The following MYO7B variants were observed in gnomAD, a reference collection of about 807,000 sequenced individuals.
The protein encoded by MYO7B is myosin VIIB.
In MYO7B, 212 loss-of-function variants were observed where a neutral mutation model predicts 259.7. The observed-to-expected ratio is 0.82, with a 90% CI of 0.73 to 0.91. MYO7B has a LOEUF of 0.91. MYO7B is among the 40% of genes least tolerant of loss of function. The pLI is 0.00. For synonymous variants in MYO7B, 1,197 were observed against 1,166.4 expected, an observed-to-expected ratio of 1.03 and a Z score of -0.54; for missense variants, 2,732 against 2,813.5, an observed-to-expected ratio of 0.97 and a Z score of 0.66.
intron 18 of MYO7B, 32 bp from the exon 19 acceptor site, chr2:127,596,430 G>A: frequency 6.5e-7 from 1 of 1,540,362 alleles, no homozygotes; most frequent in Non-Finnish European, 8.9e-7. Flanking sequence ...GTGAGGGTGA[G>A]CAGCCCAGTG....
rs1417991310 is a variant in MYO7B at position 127,584,273 on chromosome 2, C to A, written c.1495C>A (p.Leu499Met). The change falls in exon 13 of 48, where the codon CTG becomes ATG. Residue 499 changes from leucine to methionine, a missense_variant. Coordinates refer to ENST00000409816, the MANE Select transcript of MYO7B (RefSeq NM_001393586.1). The surrounding 1 kb of genome is among the most constrained non-coding windows in gnomAD (Gnocchi z 5.8). ...CGACAATCGGCCCACCCTGGACCTG[C>A]TGGCCCTCAAGCCCATGAGCATCAT... ...YTDNRPTLDL[L>M]ALKPMSIISL... The A allele has an allele frequency of 2.5e-6, 4 of 1,614,032 alleles. No homozygotes were observed. The highest frequency in any genetic ancestry group is 3.4e-6 in the Non-Finnish European group (4 of 1,179,894).
chr2:127,562,490 T>TTTG lies in MYO7B; in HGVS notation c.19-1661_19-1660insGTT, dbSNP rs1400273373. The stretch of plus-strand genomic sequence containing the variant: ...TTTTGTGGGGTTTTATTGTTTTTTT[T>TTTG]TTTTTTTTTTTTTTTTGAGACGGAG... On this transcript the variant is annotated intron_variant, in intron 2 of 47. Transcript: ENST00000409816. 1.3e-3 allele frequency among the ~76,000 whole-genome samples: 182 copies of TTTG among 139,700 alleles called. 4 individuals are homozygous for TTTG. In the East Asian group the frequency reaches 0.035, roughly 27 times the overall value. 91.6% of individuals were successfully genotyped at this position (139,700 alleles called of 152,430 possible).
chr2:127,621,140 C>T (rs1211097505), intron 27 of MYO7B, among the ~76,000 whole-genome samples: 1 of 152,192 alleles, frequency 6.6e-6, no homozygotes, highest in African/African-American at 2.4e-5. Flanking sequence ...ACCAGTAAAC[C>T]CTTCCAGGCT....
At chr2:127,632,171 C>T in intron 38 of MYO7B, 75 bp from the exon 39 acceptor site, 5 of 1,511,560 alleles carry the variant, frequency 3.3e-6, no homozygotes, top group African/African-American at 1.4e-5. Flanking sequence ...TCACATCCGT[C>T]CCTGCTCCCC....
chr2:127,590,042 C>T lies in MYO7B; in HGVS notation c.1855-50C>T. The T allele has an allele frequency of 6.5e-7, 1 of 1,546,918 alleles. No individual in the cohort carries two copies. Among genetic ancestry groups the T allele is most frequent in the South Asian group, 1.2e-5 (1 of 84,000 alleles). Reference sequence around the variant, plus strand: ...TTGCTGGCCTACAGGGTCAGCTGTCCCAGGACATGGCTCCTGAGACCCACT... The same window carrying T: ...TTGCTGGCCTACAGGGTCAGCTGTCTCAGGACATGGCTCCTGAGACCCACT... On this transcript the variant is annotated intron_variant, in intron 15 of 47. Coordinates refer to ENST00000409816, the MANE Select transcript of MYO7B (RefSeq NM_001393586.1). This position sits in a 1 kb window ranked among gnomAD's most constrained non-coding sequence, Gnocchi z 4.6.
chr2:127,591,267 C>A (rs1679546060), intron 16 of MYO7B, among the ~76,000 whole-genome samples: 1 of 152,222 alleles, frequency 6.6e-6, no homozygotes, highest in African/African-American at 2.4e-5. Flanking sequence ...TGTGAGATAA[C>A]CTATCTTGTT....
Position 127,559,048 on chromosome 2 carries a change from T to A in MYO7B, c.-23-652T>A, listed in dbSNP as rs1677953254. 6.6e-6 allele frequency among the ~76,000 whole-genome samples: 1 copy of A among 152,200 alleles called. No individual in the cohort carries two copies. Among genetic ancestry groups the A allele is most frequent in the Non-Finnish European group, 1.5e-5 (1 of 68,030 alleles). On this transcript the variant is annotated intron_variant, in intron 1 of 47. Coordinates refer to ENST00000409816, the MANE Select transcript of MYO7B (RefSeq NM_001393586.1). The surrounding 1 kb of genome is among the most constrained non-coding windows in gnomAD (Gnocchi z 4.1). The stretch of plus-strand genomic sequence containing the variant: ...ACTGCTCAGCGCAGGGAGGGGAAGC[T>A]GCCAACACTCAGTCAGGGTAACTCG...
Position 127,636,028 on chromosome 2 carries a change from G to C in MYO7B, c.6006+121G>C. 1 of 1,304,698 alleles carries C rather than the reference G, an allele frequency of 7.7e-7. No homozygotes were observed. Among genetic ancestry groups the C allele is most frequent in the East Asian group, 2.5e-5 (1 of 39,646 alleles). The allele number at this position is 1,304,698 out of a possible 1,614,324, so 80.8% of individuals were successfully genotyped here. On this transcript the variant is annotated intron_variant, in intron 44 of 47. Coordinates refer to ENST00000409816, the MANE Select transcript of MYO7B (RefSeq NM_001393586.1). The surrounding 1 kb of genome is among the most constrained non-coding windows in gnomAD (Gnocchi z 4.5). The stretch of plus-strand genomic sequence containing the variant: ...GGTGCACATGGGTGGTGTGGAGGGT[G>C]GGCTGGCTCTGCACACACCACGCCT...
chr2:127,623,451 T>A, intron 29 of MYO7B, 76 bp downstream of exon 29: 1 of 1,420,946 alleles, frequency 7.0e-7, no homozygotes, highest in South Asian at 1.4e-5. Flanking sequence ...TCAAGCCCTC[T>A]CACCTTTCCA....
In MYO7B at chr2:127,628,234, C is replaced by A; in HGVS notation, c.4461-138C>A. 9.5e-7 allele frequency: 1 copy of A among 1,053,564 alleles called. No homozygotes were observed. Among genetic ancestry groups the A allele is most frequent in the Non-Finnish European group, 1.4e-6 (1 of 707,140 alleles). The allele number at this position is 1,053,564 out of a possible 1,614,324, so 65.3% of individuals were successfully genotyped here. A position where few individuals can be genotyped will look rare whatever the true frequency, so the allele number is the denominator to read the frequency against. On this transcript the variant is annotated intron_variant, in intron 33 of 47. Coordinates refer to ENST00000409816, the MANE Select transcript of MYO7B (RefSeq NM_001393586.1). This position sits in a 1 kb window ranked among gnomAD's most constrained non-coding sequence, Gnocchi z 4.8. The stretch of plus-strand genomic sequence containing the variant: ...GTCCAGACCCACAGTGGTGTCTGGC[C>A]TAGTCCTGGCCCTGGCAGAGCAGCT...
At chr2:127,547,507 G>T (rs1000812186) in intron 1 of MYO7B, among the ~76,000 whole-genome samples, 1 of 152,176 alleles carries the variant, frequency 6.6e-6, no homozygotes, top group Non-Finnish European at 1.5e-5. Context: ...GTGTACCCTG[G>T]GGGGAAGAGG....
chr2:127,573,438 C>T (rs1678730204), intron 6 of MYO7B, among the ~76,000 whole-genome samples: 1 of 152,222 alleles, frequency 6.6e-6, no homozygotes, highest in African/African-American at 2.4e-5. Context: ...CTGGCCTGGA[C>T]ACGCTGTTGG....
intron 17 of MYO7B, 43 bp downstream of exon 17, chr2:127,592,989 C>G (rs976363395): frequency 7.0e-7 from 1 of 1,433,724 alleles, no homozygotes; most frequent in African/African-American, 2.7e-5. Context: ...CATCCGCGGC[C>G]TTCCCCTCGG....
chr2:127,573,037 G>A (rs1019043312), intron 6 of MYO7B, among the ~76,000 whole-genome samples: 2 of 152,078 alleles, frequency 1.3e-5, no homozygotes, highest in South Asian at 4.1e-4. Flanking sequence ...AACAGGTTTC[G>A]TAATGGTGGC....
chr2:127,551,937 T>A (rs1693460079), intron 1 of MYO7B, among the ~76,000 whole-genome samples: 1 of 152,170 alleles, frequency 6.6e-6, no homozygotes, highest in East Asian at 1.9e-4. Context: ...GTGCAGGCCA[T>A]GAGACCACCC....
chr2:127,593,620 G>C lies in MYO7B; in HGVS notation c.2220G>C (p.Ala740=), dbSNP rs376295567. The part of the protein sequence containing the change: ...VWLRTDKDWK[A]GKTKIFLRDH... ...TGCGGACAGACAAAGACTGGAAAGC[G>C]GGGAAGACAAAAATTTTCCTGAGGG... The change falls in exon 18 of 48, where the codon GCG becomes GCC. Residue 740 remains alanine, a synonymous_variant. Coordinates refer to ENST00000409816, the MANE Select transcript of MYO7B (RefSeq NM_001393586.1). 33 of 1,613,604 alleles carry C rather than the reference G, an allele frequency of 2.0e-5. No homozygotes were observed. Among genetic ancestry groups the C allele is most frequent in the Non-Finnish European group, 2.5e-5 (30 of 1,179,844 alleles).
In MYO7B at chr2:127,592,927, C is replaced by G; in HGVS notation, c.2126C>G (p.Pro709Arg). 1 of 1,599,918 alleles carries G rather than the reference C, an allele frequency of 6.3e-7. No homozygotes were observed. Among genetic ancestry groups the G allele is most frequent in the Non-Finnish European group, 8.5e-7 (1 of 1,174,096 alleles). Residue 709 changes from proline (P) to arginine (R), a missense_variant, in exon 17 of 48, where the codon CCC (proline) becomes CGC (arginine). This residue lies in a region of MYO7B where 1,906 missense variants were observed against 2,026.4 expected (regional missense o/e 0.94). Coordinates refer to ENST00000409816, the MANE Select transcript of MYO7B (RefSeq NM_001393586.1). ...EFSQRFGVLL[P>R]NAMRMQLQGK... The stretch of plus-strand genomic sequence containing the variant: ...TCGCAGAGGTTCGGCGTGTTGCTGC[C>G]CAACGCCATGCGGATGCAGGTCAGC...
At position 127,559,230 on chromosome 2, in the gene MYO7B, G is replaced by A. The variant is rs1360427253; in HGVS notation, c.-23-470G>A. On this transcript the variant is annotated intron_variant, in intron 1 of 47. Coordinates refer to ENST00000409816, the MANE Select transcript of MYO7B (RefSeq NM_001393586.1). The surrounding 1 kb of genome is among the most constrained non-coding windows in gnomAD (Gnocchi z 4.1). Reference sequence around the variant, plus strand: ...GCAGATCCGGGTTTGATTCCCAGCTGTGCTACTAATTAACTGAGTGGCATT... The same window carrying A: ...GCAGATCCGGGTTTGATTCCCAGCTATGCTACTAATTAACTGAGTGGCATT... Among the ~76,000 whole-genome samples the A allele has an allele frequency of 6.6e-6, 1 of 152,224 alleles. No homozygotes were observed.
chr2:127,546,498 G>C lies in MYO7B; in HGVS notation c.-24+10667G>C, dbSNP rs556597013. ...CAGTGGCACCACAGAAATGTTAGTG[G>C]TGTGGCTTCAGACCCACAGCAGCTT... is the stretch of plus-strand genomic sequence containing the variant. On this transcript the variant is annotated intron_variant, in intron 1 of 47. Transcript: ENST00000409816. This position sits in a 1 kb window ranked among gnomAD's most constrained non-coding sequence, Gnocchi z 4.2. Among the ~76,000 whole-genome samples, 1 of 152,148 alleles carries C rather than the reference G, an allele frequency of 6.6e-6. No individual in the cohort carries two copies. Among genetic ancestry groups the C allele is most frequent in the African/African-American group, 2.4e-5 (1 of 41,432 alleles).
Sources: allele counts gnomAD v4.1 joint callset (sites outside exome capture counted in the v4.1 genomes callset), GRCh38; gene constraint gnomAD v4.1.1; regional missense constraint gnomAD v4.1.1; non-coding constraint Gnocchi (gnomAD v3.1); transcripts MANE v1.5; gene names NCBI Gene and HGNC (gene_info 2026-07-23, HGNC 2026-07-21).